AFTPH: variants seen among roughly 807,000 people sequenced by gnomAD.
AFTPH encodes the protein aftiphilin, also known as aftiphilin protein.
A neutral mutation model predicts 72.5 loss-of-function variants in AFTPH; 7 were observed. The ratio of observed to expected loss-of-function variants is 0.10; its 90% confidence interval spans 0.05 to 0.18. AFTPH has a LOEUF of 0.18. Among genes scored for constraint, AFTPH ranks in the 10% least tolerant of loss-of-function variants. AFTPH has a pLI of 1.00. For synonymous variants in AFTPH, 337 were observed against 370.1 expected, an observed-to-expected ratio of 0.91 and a Z score of 1.03; for missense variants, 979 against 1,060.5, an observed-to-expected ratio of 0.92 and a Z score of 1.07.
At chr2:64,581,123 C>T in intron 7 of AFTPH, 67 bp from the exon 8 acceptor site, 1 of 1,140,028 alleles carries the variant, frequency 8.8e-7, no homozygotes. Flanking sequence ...CCTTTTTACA[C>T]ATAACCCCTC....
intron 8 of AFTPH, among the ~76,000 whole-genome samples, chr2:64,591,270 C>G (rs1329975072): frequency 6.6e-6 from 1 of 152,228 alleles, no homozygotes; most frequent in East Asian, 1.9e-4. Context: ...ACCCAGAGTT[C>G]CGTCCTGCCT....
At chr2:64,584,745 C>T (rs1232740903) in intron 7 of AFTPH, among the ~76,000 whole-genome samples, 2 of 151,954 alleles carry the variant, frequency 1.3e-5, no homozygotes, top group Non-Finnish European at 2.9e-5. Context: ...TACAGGCGCC[C>T]ACCACCATGC....
chr2:64,565,304 C>T (rs752193745), intron 2 of AFTPH, among the ~76,000 whole-genome samples: 6 of 151,218 alleles, frequency 4.0e-5, no homozygotes, highest in South Asian at 2.1e-4. Context: ...GGTGAAACAC[C>T]GTCTACTAAA....
At chr2:64,571,622 G>A (rs541350969) in intron 5 of AFTPH, among the ~76,000 whole-genome samples, 1 of 152,216 alleles carries the variant, frequency 6.6e-6, no homozygotes, top group South Asian at 2.1e-4. Flanking sequence ...GAAGGGAGGA[G>A]GCAGGGATTC....
chr2:64,579,563 A>G lies in AFTPH; in HGVS notation c.2455+17A>G, dbSNP rs929650813. The G allele has an allele frequency of 6.2e-7, 1 of 1,609,316 alleles. No homozygotes were observed. The highest frequency in any genetic ancestry group is 8.5e-7 in the Non-Finnish European group (1 of 1,175,962). On this transcript the variant is annotated intron_variant, in intron 7 of 8. Transcript: ENST00000238856. Reference sequence around the variant, plus strand: ...CTTTAGATGGTACGTCTCTCCGTAGAGCCTCTAGCACCAGAGCTAGAGTTA... The same window carrying G: ...CTTTAGATGGTACGTCTCTCCGTAGGGCCTCTAGCACCAGAGCTAGAGTTA...
chr2:64,592,245 C>CG, exon 9 of AFTPH: 1 of 413,370 alleles, frequency 2.4e-6, no homozygotes, highest in Middle Eastern at 6.5e-4. Context: ...TGTAAATAAT[C>CG]GGGGGTAAAC....
rs185972293 is a variant in AFTPH, at chr2:64,578,621, G to A, written c.2395-865G>A. 5.3e-3 allele frequency among the ~76,000 whole-genome samples: 806 copies of A among 150,934 alleles called. 9 individuals carry two copies. The highest frequency in any genetic ancestry group is 0.019 in the African/African-American group (771 of 41,028). ...CCAGGCTAGAGTGCAGTAGTGGCAC[G>A]ATCTCGGCTCACTGCAACCTCCACC... On this transcript the variant is annotated intron_variant, in intron 6 of 8. Transcript: ENST00000238856.
intron 8 of AFTPH, among the ~76,000 whole-genome samples, chr2:64,591,561 A>G (rs1673826646): frequency 6.6e-6 from 1 of 152,224 alleles, no homozygotes; most frequent in African/African-American, 2.4e-5. Flanking sequence ...GTTTAGTAAC[A>G]TTTTAAAATT....
chr2:64,543,731 C>T (rs1318540386), intron 1 of AFTPH, among the ~76,000 whole-genome samples: 1 of 152,150 alleles, frequency 6.6e-6, no homozygotes, highest in Non-Finnish European at 1.5e-5. Flanking sequence ...CTTTGTTTTT[C>T]TTGAGAAACT....
intron 1 of AFTPH, among the ~76,000 whole-genome samples, chr2:64,539,115 A>T (rs1670057388): frequency 6.6e-6 from 1 of 152,228 alleles, no homozygotes; most frequent in Non-Finnish European, 1.5e-5. Context: ...ACTTTACAGC[A>T]AGAAACTTAC....
exon 6 of AFTPH, chr2:64,573,055 C>T: frequency 1.2e-6 from 2 of 1,613,894 alleles, no homozygotes; most frequent in South Asian, 1.1e-5. Flanking sequence ...ACATGTACAT[C>T]TGATCAGTTC....
At chr2:64,579,058 CTT>C (rs982785674) in intron 6 of AFTPH, 1 of 153,618 alleles carries the variant, frequency 6.5e-6, no homozygotes, top group African/African-American at 2.4e-5. Flanking sequence ...TTAAAAATGT[CTT>C]ATTAGCCCAT....
chr2:64,558,970 A>G (rs1388095933), intron 2 of AFTPH, among the ~76,000 whole-genome samples: 1 of 152,204 alleles, frequency 6.6e-6, no homozygotes, highest in Admixed American at 6.5e-5. Flanking sequence ...ATACCCAGAA[A>G]AAAAACCCAG....
chr2:64,527,981 G>A (rs755588758), intron 1 of AFTPH, among the ~76,000 whole-genome samples: 1 of 152,188 alleles, frequency 6.6e-6, no homozygotes, highest in African/African-American at 2.4e-5. Flanking sequence ...GGGAATCACT[G>A]CTTATTGATT....
At chr2:64,559,297 G>C (rs1026132767) in intron 2 of AFTPH, among the ~76,000 whole-genome samples, 3 of 152,152 alleles carry the variant, frequency 2.0e-5, no homozygotes, top group Non-Finnish European at 2.9e-5. Flanking sequence ...GGAAGGATGG[G>C]GAGGGGAAGT....
At chr2:64,569,802 T>TAA (rs1462251947) in intron 5 of AFTPH, 123 bp downstream of exon 5, 116 of 768,378 alleles carry the variant, frequency 1.5e-4, no homozygotes, top group Non-Finnish European at 2.3e-4. Flanking sequence ...CTGAAGGGTA[T>TAA]AAATAGATCT....
In AFTPH at chr2:64,546,863, T is replaced by C. The variant is rs1366729112; in HGVS notation, c.-32-4580T>C. Among the ~76,000 whole-genome samples the C allele has an allele frequency of 1.5e-4, 21 of 138,446 alleles. No homozygotes were observed. The Middle Eastern group carries it at 0.011, about 72-fold the overall frequency. 90.8% of individuals were successfully genotyped at this position (138,446 alleles called of 152,430 possible). On this transcript the variant is annotated intron_variant, in intron 1 of 8. Coordinates refer to ENST00000238856, the Ensembl canonical transcript of AFTPH. ...TCCTGGCTAACACAGTGAAACCCCG[T>C]CTCTACTAAAAAAAAAAATCCAAAA...
At chr2:64,564,217 T>G (rs1160686412) in intron 2 of AFTPH, among the ~76,000 whole-genome samples, 1 of 152,224 alleles carries the variant, frequency 6.6e-6, no homozygotes, top group African/African-American at 2.4e-5. Flanking sequence ...AGTATTTTCA[T>G]AGTGATTTAG....
intron 1 of AFTPH, among the ~76,000 whole-genome samples, chr2:64,538,242 T>C (rs1669995535): frequency 6.6e-6 from 1 of 152,186 alleles, no homozygotes; most frequent in Non-Finnish European, 1.5e-5. Context: ...ACCAGATGTA[T>C]TGGGTACCCT....
Sources: allele counts gnomAD v4.1 joint callset (sites outside exome capture counted in the v4.1 genomes callset), GRCh38; gene constraint gnomAD v4.1.1; transcripts MANE v1.5; gene names NCBI Gene and HGNC (gene_info 2026-07-23, HGNC 2026-07-21).